IRAK1BP1: variants seen among roughly 807,000 people sequenced by gnomAD.
The protein encoded by IRAK1BP1 is interleukin-1 receptor-associated kinase 1-binding protein 1.
IRAK1BP1 carries 24 observed loss-of-function variants against 28.0 expected under a neutral mutation model. The ratio of observed to expected loss-of-function variants is 0.86; its 90% confidence interval spans 0.62 to 1.20. The LOEUF (loss-of-function observed/expected upper bound fraction) is 1.20. Ranked by LOEUF, IRAK1BP1 falls within the 50% of genes most tolerant of loss-of-function variation. The pLI, the probability that IRAK1BP1 is intolerant of heterozygous loss-of-function variation, is 0.00. For synonymous variants in IRAK1BP1, 131 were observed against 116.3 expected (o/e 1.13, Z -0.81); for missense variants, 336 against 316.7 (o/e 1.06, Z -0.46).
In IRAK1BP1 at chr6:78,898,201, A is replaced by G. The variant is rs754614848; in HGVS notation, c.650A>G (p.Asp217Gly). Residue 217 changes from aspartate (D) to glycine (G), a missense_variant, in exon 4 of 4, where the codon GAT becomes GGT. Asp to Gly is a moderately conservative substitution (Grantham distance 94). Transcript: ENST00000369940. ...AAAGAATGGGAAGGCCAAATAGATG[A>G]TCACCAGTCATCCAGACTCTCAAGT... is the stretch of plus-strand genomic sequence containing the variant. ...ETKEWEGQID[D>G]HQSSRLSSSL... is the part of the protein sequence containing the mutation. 1.1e-5 allele frequency: 18 copies of G among 1,613,676 alleles called. No individual in the cohort carries two copies. The highest frequency in any genetic ancestry group is 1.4e-5 in the Non-Finnish European group (17 of 1,179,942).
intron 1 of IRAK1BP1, among the ~76,000 whole-genome samples, chr6:78,877,243 A>T (rs1374307029): frequency 4.6e-5 from 7 of 152,166 alleles, no homozygotes; most frequent in Non-Finnish European, 1.5e-5. Context: ...TTGTGGTTGC[A>T]GGTCTGTTAG....
At chr6:78,953,637 T>G in the IRAK1BP1 span, among the ~76,000 whole-genome samples, 16 of 152,344 alleles carry the variant, frequency 1.1e-4, no homozygotes, top group African/African-American at 3.8e-4. Flanking sequence ...ACATTTAACA[T>G]TCTATGTTTC....
intron 1 of IRAK1BP1, among the ~76,000 whole-genome samples, chr6:78,880,448 C>T (rs1239580948): frequency 6.6e-6 from 1 of 152,016 alleles, no homozygotes; most frequent in African/African-American, 2.4e-5. Context: ...ATGAAACAAA[C>T]AAAAAGATAA....
In IRAK1BP1 at chr6:78,872,777, G is replaced by A. The variant is rs753790785; in HGVS notation, c.315+4886G>A. Among the ~76,000 whole-genome samples the A allele has an allele frequency of 8.5e-5, 13 of 152,202 alleles. No homozygotes were observed. In the South Asian group the frequency reaches 1.9e-3, roughly 22 times the overall value. On this transcript the variant is annotated intron_variant, in intron 1 of 3. Coordinates refer to ENST00000369940, the MANE Select transcript of IRAK1BP1 (RefSeq NM_001010844.4). ...AAAATATACGTTTACATCTTCACTT[G>A]GCACAGTAGGCATTATTTTCTTCTG... is the stretch of plus-strand genomic sequence containing the variant.
Position 78,877,133 on chromosome 6 carries a change from T to G in IRAK1BP1, c.316-8245T>G, listed in dbSNP as rs563749667. ...GGGACAGTTTGGTGATTGGCTATTT[T>G]ATTAATTTTTTCATAGGAAACCCAG... is the stretch of plus-strand genomic sequence containing the variant. On this transcript the variant is annotated intron_variant, in intron 1 of 3. Coordinates refer to ENST00000369940, the MANE Select transcript of IRAK1BP1 (RefSeq NM_001010844.4). 2.6e-5 allele frequency among the ~76,000 whole-genome samples: 4 copies of G among 152,218 alleles called. No homozygotes were observed. In the South Asian group the frequency reaches 8.3e-4, roughly 32 times the overall value.
At chr6:78,908,717 T>C (rs1772324847) in intron 4 of IRAK1BP1, among the ~76,000 whole-genome samples, 1 of 152,130 alleles carries the variant, frequency 6.6e-6, no homozygotes, top group South Asian at 2.1e-4. Flanking sequence ...GAAGAACTTC[T>C]GGGTTTAGAC....
chr6:78,886,087 C>T (rs2127646478), intron 2 of IRAK1BP1, among the ~76,000 whole-genome samples: 1 of 152,210 alleles, frequency 6.6e-6, no homozygotes, highest in South Asian at 2.1e-4. Flanking sequence ...CTCCTTGTAA[C>T]AAGAAACGAA....
At chr6:78,921,835 A>G (rs1772740917) in intron 4 of IRAK1BP1, among the ~76,000 whole-genome samples, 1 of 152,200 alleles carries the variant, frequency 6.6e-6, no homozygotes, top group Non-Finnish European at 1.5e-5. Context: ...GACCTCCAGC[A>G]AACTCCAACA....
chr6:78,963,529 T>C, the IRAK1BP1 span, among the ~76,000 whole-genome samples: 1 of 152,198 alleles, frequency 6.6e-6, no homozygotes, highest in Non-Finnish European at 1.5e-5. Context: ...AAATCATTTC[T>C]ATAAAATATG....
intron 1 of IRAK1BP1, among the ~76,000 whole-genome samples, chr6:78,878,460 A>G (rs1771093630): frequency 6.6e-6 from 1 of 152,236 alleles, no homozygotes; most frequent in African/African-American, 2.4e-5. Flanking sequence ...GAAAACTAAC[A>G]GAAAGGACAT....
chr6:78,867,904 CG>C lies in IRAK1BP1; in HGVS notation c.315+18del. 1.3e-6 allele frequency: 2 copies of C among 1,555,930 alleles called. No individual in the cohort carries two copies. Among genetic ancestry groups the C allele is most frequent in the South Asian group, 2.4e-5 (2 of 84,170 alleles). ...GCAGGGCGTGCAGGTGAGATCTCCG[CG>C]GGGGAGGAAATAAGAGCCGGAAGAC... On this transcript the variant is annotated intron_variant, in intron 1 of 3. Coordinates refer to ENST00000369940, the MANE Select transcript of IRAK1BP1 (RefSeq NM_001010844.4).
chr6:78,913,355 C>G (rs1772476351), intron 4 of IRAK1BP1, among the ~76,000 whole-genome samples: 1 of 147,900 alleles, frequency 6.8e-6, no homozygotes, highest in South Asian at 2.2e-4. Flanking sequence ...AAGTACAAGT[C>G]ATTACTGGGG....
chr6:78,889,886 G>A (rs1043340868), intron 2 of IRAK1BP1, among the ~76,000 whole-genome samples: 4 of 152,070 alleles, frequency 2.6e-5, no homozygotes, highest in African/African-American at 4.8e-5. Flanking sequence ...TCTAAAACCC[G>A]AAATACCATT....
intron 1 of IRAK1BP1, among the ~76,000 whole-genome samples, chr6:78,878,037 T>G (rs1441339424): frequency 6.6e-6 from 1 of 151,550 alleles, no homozygotes; most frequent in Non-Finnish European, 1.5e-5. Flanking sequence ...CAAGGAGACC[T>G]GCCTGCCACT....
At chr6:78,903,312 G>A (rs1056077547), downstream of IRAK1BP1, among the ~76,000 whole-genome samples, 7 of 151,244 alleles carry the variant, frequency 4.6e-5, no homozygotes, top group Admixed American at 6.6e-5. Flanking sequence ...GCAAAACCCC[G>A]TCTCTACTAA....
chr6:78,964,773 G>A, the IRAK1BP1 span, among the ~76,000 whole-genome samples: 2 of 152,170 alleles, frequency 1.3e-5, no homozygotes, highest in African/African-American at 2.4e-5. Context: ...TTACAGGTGT[G>A]AGCCACCACT....
chr6:78,869,711 A>G (rs1390273090), intron 1 of IRAK1BP1, among the ~76,000 whole-genome samples: 3 of 152,224 alleles, frequency 2.0e-5, no homozygotes, highest in Non-Finnish European at 4.4e-5. Flanking sequence ...GGGTCTTCAC[A>G]AAGTCTGTAT....
intron 4 of IRAK1BP1, among the ~76,000 whole-genome samples, chr6:78,909,175 T>C (rs1772339939): frequency 6.6e-6 from 1 of 152,242 alleles, no homozygotes; most frequent in South Asian, 2.1e-4. Flanking sequence ...ATTTTTCAAC[T>C]TTATGGTGGT....
intron 4 of IRAK1BP1, chr6:78,937,344 C>A (rs1390718943): frequency 6.6e-6 from 1 of 151,644 alleles, no homozygotes; most frequent in Non-Finnish European, 1.5e-5. Context: ...CAAATCATAT[C>A]TGAAAACATG....
Sources: gnomAD v4.1 joint callset for allele counts (sites outside exome capture counted in the v4.1 genomes callset) on GRCh38, gnomAD v4.1.1 for gene constraint, MANE v1.5 for transcripts, NCBI Gene and HGNC (gene_info 2026-07-23, HGNC 2026-07-21) for gene names.